The following SMURF2 variants were observed in gnomAD, a reference collection of about 807,000 sequenced individuals.
SMURF2 encodes the protein E3 ubiquitin-protein ligase SMURF2.
A neutral mutation model predicts 109.6 loss-of-function variants in SMURF2; 48 were observed. The observed-to-expected ratio is 0.44, with a 90% CI of 0.35 to 0.56. The LOEUF (loss-of-function observed/expected upper bound fraction) is 0.56, where lower values mean the gene tolerates loss of function less well. Ranked by LOEUF, SMURF2 falls within the 20% of genes least tolerant of loss-of-function variation. The pLI is 0.01. For missense variants in SMURF2, 575 were observed against 909.0 expected, an observed-to-expected ratio of 0.63 and a Z score of 4.72; for synonymous variants, 288 against 317.1, an observed-to-expected ratio of 0.91 and a Z score of 0.97.
intron 1 of SMURF2, among the ~76,000 whole-genome samples, chr17:64,627,565 G>A (rs1033895144): frequency 8.5e-5 from 13 of 152,050 alleles, no homozygotes; most frequent in African/African-American, 2.7e-4. Flanking sequence ...TGAACTACAC[G>A]CAGACCTCTC....
chr17:64,549,049 C>T (rs1004643771), intron 16 of SMURF2, among the ~76,000 whole-genome samples: 14 of 149,754 alleles, frequency 9.3e-5, no homozygotes, highest in East Asian at 2.0e-4. Flanking sequence ...TTTGGGAGGA[C>T]GAGGCATGCA....
chr17:64,609,534 A>G (rs1555689335), intron 1 of SMURF2, among the ~76,000 whole-genome samples: 1 of 152,226 alleles, frequency 6.6e-6, no homozygotes, highest in East Asian at 1.9e-4. Flanking sequence ...AGGATTCCCT[A>G]TGTAATAAAT....
intron 1 of SMURF2, among the ~76,000 whole-genome samples, chr17:64,629,672 G>A (rs962014628): frequency 6.6e-6 from 1 of 152,156 alleles, no homozygotes; most frequent in Non-Finnish European, 1.5e-5. Flanking sequence ...GAGCTAAATG[G>A]CCTTTTCAGC....
At chr17:64,563,260 T>C (rs1969251315) in intron 10 of SMURF2, 1 of 209,308 alleles carries the variant, frequency 4.8e-6, no homozygotes, top group African/African-American at 2.3e-5. Context: ...CTACAGAGTT[T>C]ACCATCACCC....
chr17:64,632,212 A>T (rs1202737619), intron 1 of SMURF2, among the ~76,000 whole-genome samples: 1 of 151,652 alleles, frequency 6.6e-6, no homozygotes, highest in Non-Finnish European at 1.5e-5. Flanking sequence ...GCCCACCTCG[A>T]CCTCCCAAAG....
At chr17:64,661,715 T>A in intron 1 of SMURF2, 114 bp downstream of exon 1, 4 of 694,062 alleles carry the variant, frequency 5.8e-6, no homozygotes, top group Non-Finnish European at 7.7e-6. Flanking sequence ...TTCCCATTCC[T>A]CCGACCCCCA....
intron 4 of SMURF2, 27 bp from the exon 5 acceptor site, chr17:64,591,176 CG>C: frequency 6.3e-7 from 1 of 1,578,922 alleles, no homozygotes; most frequent in Non-Finnish European, 8.7e-7. Context: ...AAGAAAGCAA[CG>C]AAAAAATTAG....
chr17:64,574,177 T>C (rs1555685851), intron 9 of SMURF2, among the ~76,000 whole-genome samples: 2 of 152,222 alleles, frequency 1.3e-5, no homozygotes, highest in African/African-American at 4.8e-5. Context: ...TGATAAAATG[T>C]AGAATTTCAT....
chr17:64,604,918 T>C (rs1216714293), intron 2 of SMURF2, among the ~76,000 whole-genome samples: 9 of 151,524 alleles, frequency 5.9e-5, no homozygotes, highest in African/African-American at 2.2e-4. Context: ...CACTCCAGCC[T>C]GGGCAACAGA....
At chr17:64,596,585 C>CAAAAA (rs201858792) in intron 3 of SMURF2, among the ~76,000 whole-genome samples, 47 of 45,436 alleles carry the variant, frequency 1.0e-3, no homozygotes, top group East Asian at 2.4e-3. Context: ...GGAGAGTAAA[C>CAAAAA]AAAAAAAAAA....
At chr17:64,643,314 C>T (rs969568078) in intron 1 of SMURF2, among the ~76,000 whole-genome samples, 8 of 152,110 alleles carry the variant, frequency 5.3e-5, no homozygotes, top group African/African-American at 1.9e-4. Context: ...TGAGCCACTG[C>T]ACCCGGCCTA....
At chr17:64,592,815 G>A (rs569395513) in intron 4 of SMURF2, among the ~76,000 whole-genome samples, 1 of 152,306 alleles carries the variant, frequency 6.6e-6, no homozygotes, top group Non-Finnish European at 1.5e-5. Flanking sequence ...CACTTCTAAT[G>A]TCCTGATCTT....
chr17:64,559,679 G>A (rs1285895833), intron 12 of SMURF2, among the ~76,000 whole-genome samples: 1 of 151,804 alleles, frequency 6.6e-6, no homozygotes, highest in African/African-American at 2.4e-5. Context: ...GCGGAGGCTG[G>A]AGGATCACTT....
rs1968941450 is a variant in SMURF2, at chr17:64,545,733, A to AGC, written c.*114_*115insGC. On this transcript the variant is annotated 3_prime_UTR_variant, in exon 19 of 19. Coordinates refer to ENST00000262435, the MANE Select transcript of SMURF2 (RefSeq NM_022739.4). Reference sequence around the variant, plus strand: ...CTAAAATGTAAAAAAAAAAAAAAAAAGGGGGGGGGGGGGAGTGTTTTCCTG... The same window carrying AGC: ...CTAAAATGTAAAAAAAAAAAAAAAAAGCGGGGGGGGGGGGGAGTGTTTTCCTG... 1.3e-5 allele frequency: 1 copy of AGC among 78,586 alleles called. No individual in the cohort carries two copies. The highest frequency in any genetic ancestry group is 5.2e-5 in the African/African-American group (1 of 19,174). The allele number at this position is 78,586 out of a possible 1,614,324, so 4.9% of individuals were successfully genotyped here. A position where few individuals can be genotyped will look rare whatever the true frequency, so the allele number is the denominator to read the frequency against.
At chr17:64,613,713 T>TGTGTGTGTGA (rs1970079487) in intron 1 of SMURF2, among the ~76,000 whole-genome samples, 1 of 130,066 alleles carries the variant, frequency 7.7e-6, no homozygotes, top group Non-Finnish European at 1.6e-5. Flanking sequence ...TGTGTGTGTG[T>TGTGTGTGTGA]GTGTGTGTGT....
Position 64,547,801 on chromosome 17 carries a change from G to T in SMURF2, c.1870C>A (p.Leu624Ile). The part of the protein sequence containing the change: ...LKTFDEKELE[L>I]IICGLGKIDV... Reference sequence around the variant, plus strand: ...ATCTTTCCAAGTCCACAAATAATGAGCTGTGAAAATAGTACACAGTAATGA... The same window carrying T: ...ATCTTTCCAAGTCCACAAATAATGATCTGTGAAAATAGTACACAGTAATGA... The change falls in exon 17 of 19, where the codon CTC becomes ATC. Residue 624 changes from leucine to isoleucine, a missense_variant and splice_region_variant. By Grantham distance (5) the Leu-to-Ile change is conservative. Transcript: ENST00000262435. This position sits in a 1 kb window ranked among gnomAD's most constrained non-coding sequence, Gnocchi z 4.2. The T allele has an allele frequency of 6.2e-7, 1 of 1,614,050 alleles. No homozygotes were observed. Among genetic ancestry groups the T allele is most frequent in the Non-Finnish European group, 8.5e-7 (1 of 1,179,892 alleles).
intron 1 of SMURF2, among the ~76,000 whole-genome samples, chr17:64,616,069 A>T (rs1555690059): frequency 6.6e-6 from 1 of 152,086 alleles, no homozygotes; most frequent in Non-Finnish European, 1.5e-5. Context: ...ACCTCAAGTG[A>T]TCCACCTGCC....
intron 3 of SMURF2, among the ~76,000 whole-genome samples, chr17:64,597,764 C>A (rs1969838334): frequency 7.2e-6 from 1 of 138,348 alleles, no homozygotes; most frequent in South Asian, 2.2e-4. Context: ...CAGAGCAAGA[C>A]TGTCTCAAAA....
chr17:64,652,215 T>C (rs1555693569), intron 1 of SMURF2, among the ~76,000 whole-genome samples: 1 of 152,180 alleles, frequency 6.6e-6, no homozygotes, highest in Admixed American at 6.5e-5. Context: ...TTTCCTAATT[T>C]CTTATATCTG....
Sources: allele counts gnomAD v4.1 joint callset (sites outside exome capture counted in the v4.1 genomes callset), GRCh38; gene constraint gnomAD v4.1.1; non-coding constraint Gnocchi (gnomAD v3.1); transcripts MANE v1.5; gene names NCBI Gene and HGNC (gene_info 2026-07-23, HGNC 2026-07-21).